COL4A6: variants seen among roughly 807,000 people sequenced by gnomAD.
The protein encoded by COL4A6 is collagen type IV alpha 6 chain.
In COL4A6, 59 loss-of-function variants were observed where a neutral mutation model predicts 126.7. The observed-to-expected ratio is 0.47, with a 90% CI of 0.38 to 0.58. COL4A6 has a LOEUF of 0.58. Ranked by LOEUF, COL4A6 falls within the 20% of genes least tolerant of loss-of-function variation. The probability of loss-of-function intolerance (pLI) is 0.00; values close to 1 mark genes in which losing one functional copy is unlikely to be tolerated. For missense variants in COL4A6, 1,285 were observed against 1,337.3 expected, an observed-to-expected ratio of 0.96 and a Z score of 0.61; for synonymous variants, 547 against 496.6, an observed-to-expected ratio of 1.10 and a Z score of -1.35.
chrX:108,178,948 G>A (rs1231485577), intron 26 of COL4A6, 103 bp from the exon 27 acceptor site: 2 of 934,956 alleles, frequency 2.1e-6, no homozygotes, highest in Non-Finnish European at 2.9e-6. Context: ...TGTCTTCTCA[G>A]CTCCAGCCTT....
intron 3 of COL4A6, among the ~76,000 whole-genome samples, chrX:108,275,545 T>C (rs193157896): frequency 1.9e-3 from 211 of 112,939 alleles, no homozygotes; most frequent in African/African-American, 6.5e-3. Context: ...TTGAAATCCC[T>C]GAGCAATAGA....
chrX:108,364,084 C>T (rs191439425), intron 2 of COL4A6, among the ~76,000 whole-genome samples: 2 of 110,626 alleles, frequency 1.8e-5, no homozygotes, highest in East Asian at 5.7e-4. Flanking sequence ...ATTGGCCAGG[C>T]TGATCTTGAA....
At chrX:108,377,231 C>G (rs1417778839) in intron 2 of COL4A6, among the ~76,000 whole-genome samples, 1 of 112,003 alleles carries the variant, frequency 8.9e-6, no homozygotes. Flanking sequence ...AGCAGTATTG[C>G]TGCCAGCATG....
chrX:108,376,349 C>A (rs2040432969), intron 2 of COL4A6, among the ~76,000 whole-genome samples: 1 of 110,546 alleles, frequency 9.0e-6, no homozygotes, highest in Non-Finnish European at 1.9e-5. Context: ...AATCCCATCA[C>A]TTTGGGAGGC....
intron 2 of COL4A6, among the ~76,000 whole-genome samples, chrX:108,403,933 C>T (rs2041149351): frequency 9.0e-6 from 1 of 111,498 alleles, no homozygotes; most frequent in South Asian, 3.7e-4. Flanking sequence ...AGAACACTAT[C>T]GATCTGGGAC....
intron 2 of COL4A6, among the ~76,000 whole-genome samples, chrX:108,341,693 T>C (rs1162664682): frequency 1.8e-5 from 2 of 111,121 alleles, no homozygotes; most frequent in African/African-American, 6.6e-5. Flanking sequence ...AAGGCAAAAC[T>C]AATCACTTCT....
intron 12 of COL4A6, among the ~76,000 whole-genome samples, chrX:108,203,297 A>C (rs1281216599): frequency 1.8e-5 from 2 of 112,441 alleles, no homozygotes; most frequent in Admixed American, 9.4e-5. Context: ...GCTGTTCAGT[A>C]CAATTTCCTA....
At chrX:108,170,966 T>G (rs1271916625) in intron 33 of COL4A6, 49 bp from the exon 34 acceptor site, 1 of 1,039,930 alleles carries the variant, frequency 9.6e-7, no homozygotes, top group Non-Finnish European at 1.3e-6. Flanking sequence ...TTTCTAGCAG[T>G]GTATTCCTCT....
At chrX:108,291,556 T>A (rs987073241) in intron 3 of COL4A6, among the ~76,000 whole-genome samples, 1 of 111,578 alleles carries the variant, frequency 9.0e-6, no homozygotes, top group Admixed American at 9.5e-5. Context: ...CTATTTTTTT[T>A]TTTACTGTTA....
At chrX:108,326,234 T>C (rs772435724) in intron 2 of COL4A6, among the ~76,000 whole-genome samples, 23 of 112,462 alleles carry the variant, frequency 2.0e-4, no homozygotes, top group African/African-American at 6.4e-4. Context: ...ATACAAAAAT[T>C]AGTTGCATTT....
rs374399760 is a variant in COL4A6 at position 108,219,230 on chromosome X, A to G, written c.324+468T>C. 8.9e-4 allele frequency among the ~76,000 whole-genome samples: 100 copies of G among 112,767 alleles called. 1 individual carries two copies. In the South Asian group the frequency reaches 0.034, roughly 39 times the overall value. ...AGTAGTCACTTTGTAAAAACTTTAA[A>G]GGAAAATTCACTCTGAAATGAGGTA... On this transcript the variant is annotated intron_variant, in intron 5 of 44. Coordinates refer to ENST00000334504, the MANE Select transcript of COL4A6 (RefSeq NM_033641.4).
chrX:108,388,709 A>G (rs1378856337), intron 2 of COL4A6, among the ~76,000 whole-genome samples: 2 of 108,784 alleles, frequency 1.8e-5, no homozygotes, highest in East Asian at 5.8e-4. Flanking sequence ...TCGTGTCTCT[A>G]TCTCCTTCAG....
chrX:108,180,004 G>C (rs1219867797), intron 25 of COL4A6, among the ~76,000 whole-genome samples: 2 of 110,701 alleles, frequency 1.8e-5, no homozygotes, highest in African/African-American at 6.6e-5. Flanking sequence ...AGGTGATGCT[G>C]ATGCTGGCCC....
chrX:108,401,176 T>C (rs2041080889), intron 2 of COL4A6, among the ~76,000 whole-genome samples: 1 of 111,404 alleles, frequency 9.0e-6, no homozygotes, highest in African/African-American at 3.2e-5. Context: ...TAGATATGTG[T>C]CTGAAAATAG....
At chrX:108,250,898 G>A (rs1038123182) in intron 3 of COL4A6, among the ~76,000 whole-genome samples, 2 of 111,732 alleles carry the variant, frequency 1.8e-5, no homozygotes, top group African/African-American at 6.5e-5. Flanking sequence ...TCAGCAAATT[G>A]CAGACAAGGA....
chrX:108,418,022 T>C (rs2041466644), intron 2 of COL4A6, among the ~76,000 whole-genome samples: 2 of 112,421 alleles, frequency 1.8e-5, no homozygotes, highest in African/African-American at 6.5e-5. Flanking sequence ...ACCATTTTGA[T>C]ATTAAAACAA....
chrX:108,422,229 G>A (rs990701791), intron 2 of COL4A6, among the ~76,000 whole-genome samples: 1 of 110,575 alleles, frequency 9.0e-6, no homozygotes, highest in Admixed American at 9.7e-5. Flanking sequence ...AGCTGGACAT[G>A]GTGGTGCATG....
intron 3 of COL4A6, among the ~76,000 whole-genome samples, chrX:108,294,128 T>A (rs1425149253): frequency 2.7e-5 from 3 of 111,859 alleles, no homozygotes; most frequent in African/African-American, 9.8e-5. Flanking sequence ...GTGATGTACA[T>A]AGGATTACTA....
chrX:108,349,184 CT>C (rs2039784195), intron 2 of COL4A6, among the ~76,000 whole-genome samples: 1 of 111,664 alleles, frequency 9.0e-6, no homozygotes, highest in Non-Finnish European at 1.9e-5. Flanking sequence ...ACAGTGAAAA[CT>C]TTTCATTTGT....
Sources: gnomAD v4.1 joint callset for allele counts (sites outside exome capture counted in the v4.1 genomes callset) on GRCh38, gnomAD v4.1.1 for gene constraint, MANE v1.5 for transcripts, NCBI Gene and HGNC (gene_info 2026-07-23, HGNC 2026-07-21) for gene names.